Variants in G6PC1 observed in about 807,000 individuals in gnomAD.
G6PC1 encodes G-6-Pase.
G6PC1 carries 23 observed loss-of-function variants against 30.4 expected under a neutral mutation model. That is an observed-to-expected ratio of 0.76 (90% CI 0.55 to 1.07). The LOEUF is 1.07. Ranked by LOEUF, G6PC1 falls within the 50% of genes least tolerant of loss-of-function variation. G6PC1 has a pLI of 0.00. For synonymous variants in G6PC1, 163 were observed against 175.6 expected, an observed-to-expected ratio of 0.93 and a Z score of 0.57; for missense variants, 391 against 433.9, an observed-to-expected ratio of 0.90 and a Z score of 0.88.
rs971614652 is a variant in G6PC1, at chr17:42,912,510, G to A, written c.*1084G>A. ...GAAATCTTGGGCAAAATGACAAGGGGAGGGCCAGGATTCCTCTCTCAGGTC... is the reference window on the plus strand; with the variant it reads ...GAAATCTTGGGCAAAATGACAAGGGAAGGGCCAGGATTCCTCTCTCAGGTC... On this transcript the variant is annotated 3_prime_UTR_variant, in exon 5 of 5. Coordinates refer to ENST00000253801, the MANE Select transcript of G6PC1 (RefSeq NM_000151.4). The A allele has an allele frequency of 6.6e-6, 1 of 152,308 alleles. No individual in the cohort carries two copies. Among genetic ancestry groups the A allele is most frequent in the African/African-American group, 2.4e-5 (1 of 41,440 alleles). 9.4% of individuals were successfully genotyped at this position (152,308 alleles called of 1,614,324 possible).
chr17:42,901,111 G>A lies in G6PC1; in HGVS notation c.230+5G>A. The A allele has an allele frequency of 6.2e-7, 1 of 1,606,464 alleles. No homozygotes were observed. Among genetic ancestry groups the A allele is most frequent in the East Asian group, 2.2e-5 (1 of 44,844 alleles). On this transcript the variant is annotated splice_donor_5th_base_variant and intron_variant, in intron 1 of 4. Coordinates refer to ENST00000253801, the MANE Select transcript of G6PC1 (RefSeq NM_000151.4). ...GCTCAACCTCGTCTTTAAGTGGTAA[G>A]AACCATATAGAGAGGAGATCAGCAA...
At chr17:42,907,991 T>C (rs1485153590) in intron 3 of G6PC1, among the ~76,000 whole-genome samples, 4 of 152,236 alleles carry the variant, frequency 2.6e-5, no homozygotes, top group African/African-American at 9.6e-5. Flanking sequence ...AAGATATTCC[T>C]ACTACAGAGA....
intron 2 of G6PC1, among the ~76,000 whole-genome samples, chr17:42,906,124 A>G (rs1048861083): frequency 1.3e-5 from 2 of 150,462 alleles, no homozygotes; most frequent in African/African-American, 4.9e-5. Context: ...GGGAGGGAGG[A>G]AGGAAGGGAG....
rs80356483 is a variant in G6PC1 at position 42,911,161 on chromosome 17, G to T, written c.809G>T (p.Gly270Val). 17 of 1,613,990 alleles carry T rather than the reference G, an allele frequency of 1.1e-5. No homozygotes were observed. The highest frequency in any genetic ancestry group is 1.4e-5 in the Non-Finnish European group (17 of 1,180,026). ...CTCAAGAACCTGGGCACGCTCTTTG[G>T]CCTGGGGCTGGCTCTCAACTCCAGC... Reference protein sequence around the residue: ...SLLKNLGTLFGLGLALNSSMY... With the variant: ...SLLKNLGTLFVLGLALNSSMY... The change falls in exon 5 of 5, where the codon GGC (glycine) becomes GTC (valine). Residue 270 changes from glycine to valine, a missense_variant. Transcript: ENST00000253801.
Position 42,911,565 on chromosome 17 carries a change from G to A in G6PC1, c.*139G>A. The stretch of plus-strand genomic sequence containing the variant: ...GCCGTCGTGGAATTAAATCACGGAT[G>A]GCAGATTGGAGGGTCGCCTGGCTTA... On this transcript the variant is annotated 3_prime_UTR_variant, in exon 5 of 5. Transcript: ENST00000253801. The A allele has an allele frequency of 7.5e-7, 1 of 1,341,484 alleles. No homozygotes were observed. The highest frequency in any genetic ancestry group is 1.0e-6 in the Non-Finnish European group (1 of 960,912). 83.1% of individuals were successfully genotyped at this position (1,341,484 alleles called of 1,614,324 possible). A position where few individuals can be genotyped will look rare whatever the true frequency, so the allele number is the denominator to read the frequency against.
rs771997505 is a variant in G6PC1, at chr17:42,911,010, G to A, written c.658G>A (p.Ala220Thr). The change falls in exon 5 of 5, where the codon GCC becomes ACC. Residue 220 changes from alanine to threonine, a missense_variant. Ala to Thr is a moderately conservative substitution (Grantham distance 58). Transcript: ENST00000253801. ...CATTACCTTCTTCCTGTTCAGCTTC[G>A]CCATCGGATTTTATCTGCTGCTCAA... ...FLITFFLFSF[A>T]IGFYLLLKGL... is the part of the protein sequence containing the mutation. 24 of 1,613,932 alleles carry A rather than the reference G, an allele frequency of 1.5e-5. No homozygotes were observed. In the East Asian group the frequency reaches 2.2e-4, roughly 15 times the overall value.
At chr17:42,904,284 G>A (rs557227716) in intron 2 of G6PC1, 13 of 490,246 alleles carry the variant, frequency 2.7e-5, no homozygotes, top group East Asian at 1.6e-4. Flanking sequence ...CAAAGGGCTC[G>A]TGAGAGTCAC....
In G6PC1 at chr17:42,911,661, ATATG is replaced by A. The variant is rs2056097684; in HGVS notation, c.*236_*239del. On this transcript the variant is annotated 3_prime_UTR_variant, in exon 5 of 5. Coordinates refer to ENST00000253801, the MANE Select transcript of G6PC1 (RefSeq NM_000151.4). ...ATGGAGGTGCCATATCACGTACACC[ATATG>A]CAAGTTTCCCGCCAGGAGGTCCTCC... is the stretch of plus-strand genomic sequence containing the variant. The A allele has an allele frequency of 1.7e-6, 1 of 586,112 alleles. No homozygotes were observed. The highest frequency in any genetic ancestry group is 2.0e-5 in the South Asian group (1 of 50,720). 36.3% of individuals were successfully genotyped at this position (586,112 alleles called of 1,614,324 possible).
rs772035505 is a variant in G6PC1, at chr17:42,911,419, CGTT to C, written c.1070_1072del (p.Leu357del). ...GTCCTGGGCCAGCCGCACAAGAAGTCGTTGTAAGAGATGTGGAGTCTTCGGTGT... is the reference window on the plus strand; with the variant it reads ...GTCCTGGGCCAGCCGCACAAGAAGTCGTAAGAGATGTGGAGTCTTCGGTGT... On this transcript the variant is annotated inframe_deletion, in exon 5 of 5. Transcript: ENST00000253801. The C allele has an allele frequency of 2.4e-5, 38 of 1,613,972 alleles. No individual in the cohort carries two copies. The highest frequency in any genetic ancestry group is 3.0e-5 in the Non-Finnish European group (35 of 1,180,038).
intron 2 of G6PC1, among the ~76,000 whole-genome samples, chr17:42,906,599 G>C (rs161633): frequency 0.15 from 23,244 of 152,030 alleles, 2,177 homozygotes; most frequent in African/African-American, 0.25. Flanking sequence ...GGAACCAGAC[G>C]GGCCATGGTG....
Position 42,900,900 on chromosome 17 carries a change from C to T in G6PC1, c.24C>T (p.Leu8=). ...GGATGGAGGAAGGAATGAATGTTCT[C>T]CATGACTTTGGGATCCAGTCAACAC... is the stretch of plus-strand genomic sequence containing the variant. The part of the protein sequence containing the change: MEEGMNV[L]HDFGIQSTHY... The change falls in exon 1 of 5, where the codon CTC becomes CTT. Residue 8 remains leucine, a synonymous_variant. Coordinates refer to ENST00000253801, the MANE Select transcript of G6PC1 (RefSeq NM_000151.4). The T allele has an allele frequency of 6.2e-7, 1 of 1,614,092 alleles. No individual in the cohort carries two copies. Among genetic ancestry groups the T allele is most frequent in the Non-Finnish European group, 8.5e-7 (1 of 1,179,976 alleles).
rs557777840 is a variant in G6PC1, at chr17:42,903,705, C to CAA, written c.231-215_231-214dup. Among the ~76,000 whole-genome samples, 604 of 138,682 alleles carry CAA rather than the reference C, an allele frequency of 4.4e-3. 13 individuals are homozygous for CAA. In the South Asian group the frequency reaches 0.059, roughly 14 times the overall value. The allele number at this position is 138,682 out of a possible 152,430, so 91.0% of individuals were successfully genotyped here. A position where few individuals can be genotyped will look rare whatever the true frequency, so the allele number is the denominator to read the frequency against. On this transcript the variant is annotated intron_variant, in intron 1 of 4. Coordinates refer to ENST00000253801, the MANE Select transcript of G6PC1 (RefSeq NM_000151.4). ...TGGGTTACTGAGCCAGATCCTGTCT[C>CAA]AAAAAAAAAAAAGATAATACATTCA...
At position 42,901,099 on chromosome 17, in the gene G6PC1, T is replaced by C; in HGVS notation, c.223T>C (p.Phe75Leu). 6.2e-7 allele frequency: 1 copy of C among 1,613,032 alleles called. No individual in the cohort carries two copies. Among genetic ancestry groups the C allele is most frequent in the Non-Finnish European group, 8.5e-7 (1 of 1,178,960 alleles). The change falls in exon 1 of 5, where the codon TTT (phenylalanine) becomes CTT (leucine). Residue 75 changes from phenylalanine to leucine, a missense_variant. Phe to Leu is a conservative substitution (Grantham distance 22). Coordinates refer to ENST00000253801, the MANE Select transcript of G6PC1 (RefSeq NM_000151.4). ...GATTGGAGACTGGCTCAACCTCGTC[T>C]TTAAGTGGTAAGAACCATATAGAGA... ...AVIGDWLNLV[F>L]KWILFGQRPY...
In G6PC1 at chr17:42,912,413, T is replaced by A. The variant is rs1488639762; in HGVS notation, c.*987T>A. 1 of 152,486 alleles carries A rather than the reference T, an allele frequency of 6.6e-6. No homozygotes were observed. The highest frequency in any genetic ancestry group is 1.5e-5 in the Non-Finnish European group (1 of 68,060). 9.4% of individuals were successfully genotyped at this position (152,486 alleles called of 1,614,324 possible). ...TCCAGATTCTTCCACTGGCTCCACA[T>A]CCACCCCACTGGATCTTCAGAAGGC... On this transcript the variant is annotated 3_prime_UTR_variant, in exon 5 of 5. Coordinates refer to ENST00000253801, the MANE Select transcript of G6PC1 (RefSeq NM_000151.4).
chr17:42,907,392 TG>T, intron 2 of G6PC1, 130 bp from the exon 3 acceptor site: 6 of 641,418 alleles, frequency 9.4e-6, no homozygotes, highest in South Asian at 7.8e-5. Flanking sequence ...AACGGATGGA[TG>T]GGGGGTGAAT....
In G6PC1 at chr17:42,913,617, T is replaced by C. The variant is rs2056109755; in HGVS notation, c.*2191T>C. Reference sequence around the variant, plus strand: ...TTCAGAGTTGGCCAAGAATGAACATTGGCTACCAGACCACAAGTCAGCATG... The same window carrying C: ...TTCAGAGTTGGCCAAGAATGAACATCGGCTACCAGACCACAAGTCAGCATG... On this transcript the variant is annotated 3_prime_UTR_variant, in exon 5 of 5. Transcript: ENST00000253801. 6.6e-6 allele frequency among the ~76,000 whole-genome samples: 1 copy of C among 152,172 alleles called. No individual in the cohort carries two copies. The highest frequency in any genetic ancestry group is 2.1e-4 in the South Asian group (1 of 4,834).
In G6PC1 at chr17:42,912,424, G is replaced by A. The variant is rs1208855117; in HGVS notation, c.*998G>A. The A allele has an allele frequency of 6.6e-6, 1 of 152,378 alleles. No individual in the cohort carries two copies. Among genetic ancestry groups the A allele is most frequent in the Non-Finnish European group, 1.5e-5 (1 of 68,040 alleles). 9.4% of individuals were successfully genotyped at this position (152,378 alleles called of 1,614,324 possible). On this transcript the variant is annotated 3_prime_UTR_variant, in exon 5 of 5. Coordinates refer to ENST00000253801, the MANE Select transcript of G6PC1 (RefSeq NM_000151.4). Reference sequence around the variant, plus strand: ...CCACTGGCTCCACATCCACCCCACTGGATCTTCAGAAGGCTAGAGGGCGAC... The same window carrying A: ...CCACTGGCTCCACATCCACCCCACTAGATCTTCAGAAGGCTAGAGGGCGAC...
intron 3 of G6PC1, among the ~76,000 whole-genome samples, chr17:42,908,247 G>A (rs1282464313): frequency 1.3e-5 from 2 of 152,004 alleles, no homozygotes; most frequent in East Asian, 3.9e-4. Flanking sequence ...CCCAGGCTCA[G>A]GCTGGTCTTG....
At chr17:42,905,984 T>G (rs1201448336) in intron 2 of G6PC1, among the ~76,000 whole-genome samples, 1 of 150,840 alleles carries the variant, frequency 6.6e-6, no homozygotes, top group African/African-American at 2.5e-5. Flanking sequence ...AGGCAGAGGT[T>G]GCAGTGAGCT....
Sources: allele counts gnomAD v4.1 joint callset (sites outside exome capture counted in the v4.1 genomes callset), GRCh38; gene constraint gnomAD v4.1.1; transcripts MANE v1.5; gene names NCBI Gene and HGNC (gene_info 2026-07-23, HGNC 2026-07-21).